Variants in WDCP observed in about 807,000 individuals in gnomAD.
WDCP encodes WD repeat and coiled-coil-containing protein.
In WDCP, 19 loss-of-function variants were observed where a neutral mutation model predicts 41.6. The ratio of observed to expected loss-of-function variants is 0.46; its 90% confidence interval spans 0.32 to 0.67. The LOEUF is 0.67. Ranked by LOEUF, WDCP falls within the 30% of genes least tolerant of loss-of-function variation. WDCP has a pLI of 0.04. For synonymous variants in WDCP, 302 were observed against 320.8 expected, an observed-to-expected ratio of 0.94 and a Z score of 0.63; for missense variants, 802 against 850.7, an observed-to-expected ratio of 0.94 and a Z score of 0.71.
Position 24,038,507 on chromosome 2 carries a change from T to C in WDCP, c.988A>G (p.Met330Val), listed in dbSNP as rs765584189. 9 of 1,614,246 alleles carry C rather than the reference T, an allele frequency of 5.6e-6. No homozygotes were observed. Among genetic ancestry groups the C allele is most frequent in the Middle Eastern group, 1.6e-4 (1 of 6,062 alleles). The change falls in exon 2 of 4, where the codon ATG becomes GTG. Residue 330 changes from methionine to valine, a missense_variant. Met to Val is a conservative substitution (Grantham distance 21). Transcript: ENST00000295148. ...VLVTFKKAVT[M>V]TRKVTIPGIL... ...CCTGGAATAGTGACTTTTCTCGTCA[T>C]GGTAACTGCCTTCTTAAAGGTCACA...
At chr2:24,035,102 G>C (rs953857044) in intron 2 of WDCP, among the ~76,000 whole-genome samples, 154 of 151,510 alleles carry the variant, frequency 1.0e-3, no homozygotes, top group African/African-American at 3.6e-3. Context: ...CTATATCTGT[G>C]ATTTTCTCTA....
At chr2:24,037,301 G>C (rs1191971656) in intron 2 of WDCP, among the ~76,000 whole-genome samples, 2 of 152,228 alleles carry the variant, frequency 1.3e-5, no homozygotes, top group Non-Finnish European at 2.9e-5. Flanking sequence ...AGGATTACAG[G>C]CGTGAGCCAT....
At chr2:24,039,874 T>G (rs1388635180) in intron 1 of WDCP, among the ~76,000 whole-genome samples, 1 of 152,160 alleles carries the variant, frequency 6.6e-6, no homozygotes, top group Non-Finnish European at 1.5e-5. Flanking sequence ...CTCGGCGCAC[T>G]TCAACCTCTG....
rs764536317 is a variant in WDCP, at chr2:24,038,203, A to G, written c.1292T>C (p.Ile431Thr). Residue 431 changes from isoleucine (I) to threonine (T), a missense_variant, in exon 2 of 4, where the codon ATA (isoleucine) becomes ACA (threonine). Around this residue, in one of 5 missense-constraint regions of WDCP, gnomAD observed 247 missense variants for 240.5 expected, o/e 1.03. Coordinates refer to ENST00000295148, the MANE Select transcript of WDCP (RefSeq NM_025203.3). ...QYAISLIVRE[I>T]MLEEEPSITS... Reference sequence around the variant, plus strand: ...TATTGAAGGTTCTTCTTCCAACATTATTTCTCTAACAATCAAGCTAATGGC... The same window carrying G: ...TATTGAAGGTTCTTCTTCCAACATTGTTTCTCTAACAATCAAGCTAATGGC... 1.2e-6 allele frequency: 2 copies of G among 1,614,216 alleles called. No individual in the cohort carries two copies. The highest frequency in any genetic ancestry group is 2.2e-5 in the East Asian group (1 of 44,892).
intron 2 of WDCP, among the ~76,000 whole-genome samples, chr2:24,036,790 A>C (rs1055964060): frequency 6.6e-6 from 1 of 152,232 alleles, no homozygotes; most frequent in Non-Finnish European, 1.5e-5. Flanking sequence ...CCATTCCCAC[A>C]TACCTATATA....
rs199990203 is a variant in WDCP, at chr2:24,032,805, G to C, written c.1936+24C>G. ...TGGGGGAGGCAAGGATGTTAGCTAG[G>C]GTCAATTTCTGAGCACGACCTACCA... On this transcript the variant is annotated intron_variant, in intron 3 of 3. Coordinates refer to ENST00000295148, the MANE Select transcript of WDCP (RefSeq NM_025203.3). 1.8e-3 allele frequency: 2,482 copies of C among 1,350,598 alleles called. 5 individuals are homozygous for C. The highest frequency in any genetic ancestry group is 2.7e-3 in the East Asian group (119 of 43,652). The allele number at this position is 1,350,598 out of a possible 1,614,324, so 83.7% of individuals were successfully genotyped here. A position where few individuals can be genotyped will look rare whatever the true frequency, so the allele number is the denominator to read the frequency against.
In WDCP at chr2:24,037,679, G is replaced by C. The variant is rs746259142; in HGVS notation, c.1816C>G (p.Gln606Glu). ...QDLPYVHIIY[Q>E]KPYYLGPVVE... ...TAGTTCCTCAAAGGAGAATTTACCTGGTAAATGATGTGAACATAAGGAAGA... is the reference window on the plus strand; with the variant it reads ...TAGTTCCTCAAAGGAGAATTTACCTCGTAAATGATGTGAACATAAGGAAGA... The change falls in exon 2 of 4, where the codon CAG becomes GAG. Residue 606 changes from glutamine (Q) to glutamate (E), a missense_variant and splice_region_variant. Physicochemically the swap from Gln to Glu is conservative, Grantham distance 29. Transcript: ENST00000295148. 6.2e-7 allele frequency: 1 copy of C among 1,606,210 alleles called. No individual in the cohort carries two copies. The highest frequency in any genetic ancestry group is 1.7e-5 in the Admixed American group (1 of 59,032).
At position 24,032,810 on chromosome 2, in the gene WDCP, A is replaced by T. The variant is rs1406994450; in HGVS notation, c.1936+19T>A. On this transcript the variant is annotated intron_variant, in intron 3 of 3. Coordinates refer to ENST00000295148, the MANE Select transcript of WDCP (RefSeq NM_025203.3). ...GAGGCAAGGATGTTAGCTAGGGTCA[A>T]TTTCTGAGCACGACCTACCATGTAG... 13 of 1,452,734 alleles carry T rather than the reference A, an allele frequency of 8.9e-6. No homozygotes were observed. Among genetic ancestry groups the T allele is most frequent in the Non-Finnish European group, 1.3e-5 (13 of 1,033,850 alleles). 90.0% of individuals were successfully genotyped at this position (1,452,734 alleles called of 1,614,324 possible).
At chr2:24,033,101 T>C (rs1663147059) in intron 2 of WDCP, 155 bp from the exon 3 acceptor site, 1 of 707,826 alleles carries the variant, frequency 1.4e-6, no homozygotes, top group South Asian at 1.5e-5. Context: ...TGCTGCATTA[T>C]TTAACACAAC....
Position 24,037,785 on chromosome 2 carries a change from T to A in WDCP, c.1710A>T (p.Glu570Asp). 6.2e-7 allele frequency: 1 copy of A among 1,614,254 alleles called. No individual in the cohort carries two copies. Among genetic ancestry groups the A allele is most frequent in the Non-Finnish European group, 8.5e-7 (1 of 1,180,046 alleles). The part of the protein sequence containing the change: ...EVEILSRNLV[E>D]MQRCLSELTN... ...TAAGTTCAGAAAGACACCGTTGCAT[T>A]TCAACCAGGTTCCTAGATAAAATTT... Residue 570 changes from glutamate to aspartate, a missense_variant, in exon 2 of 4, where the codon GAA (glutamate) becomes GAT (aspartate). Coordinates refer to ENST00000295148, the MANE Select transcript of WDCP (RefSeq NM_025203.3).
chr2:24,042,535 CAAAAAA>C (rs35044474), intron 1 of WDCP, among the ~76,000 whole-genome samples: 4 of 61,584 alleles, frequency 6.5e-5, no homozygotes, highest in African/African-American at 2.1e-4. Flanking sequence ...TACTCCGTCT[CAAAAAA>C]AAAAAAAAAA....
chr2:24,036,101 T>TA (rs1553317301), intron 2 of WDCP, among the ~76,000 whole-genome samples: 4 of 148,376 alleles, frequency 2.7e-5, no homozygotes, highest in East Asian at 3.9e-4. Flanking sequence ...AATAAATAAA[T>TA]AAATAAAATA....
At chr2:24,036,494 G>A (rs1304767708) in intron 2 of WDCP, among the ~76,000 whole-genome samples, 3 of 152,166 alleles carry the variant, frequency 2.0e-5, no homozygotes, top group African/African-American at 7.2e-5. Context: ...ATGATGCACT[G>A]TTAAGTAAAA....
At chr2:24,034,026 A>G (rs1467556480) in intron 2 of WDCP, among the ~76,000 whole-genome samples, 1 of 152,262 alleles carries the variant, frequency 6.6e-6, no homozygotes, top group African/African-American at 2.4e-5. Context: ...CGTCTTATGA[A>G]ATGTAATTTC....
At chr2:24,035,963 G>A (rs1478468295) in intron 2 of WDCP, among the ~76,000 whole-genome samples, 1 of 151,622 alleles carries the variant, frequency 6.6e-6, no homozygotes, top group East Asian at 1.9e-4. Flanking sequence ...CAGCTACTTG[G>A]GAGGCTGAGG....
At chr2:24,040,956 C>T (rs910163643) in intron 1 of WDCP, among the ~76,000 whole-genome samples, 1 of 152,052 alleles carries the variant, frequency 6.6e-6, no homozygotes, top group Non-Finnish European at 1.5e-5. Flanking sequence ...GCAGAGGCTA[C>T]AGTGAGCTGA....
At chr2:24,042,591 C>A (rs1001764178) in intron 1 of WDCP, among the ~76,000 whole-genome samples, 3 of 149,078 alleles carry the variant, frequency 2.0e-5, no homozygotes, top group Admixed American at 1.3e-4. Context: ...TGCCTGTAAT[C>A]CCAGCTACTC....
At chr2:24,033,110 A>C (rs1663147131) in intron 2 of WDCP, 164 bp from the exon 3 acceptor site, 1 of 705,010 alleles carries the variant, frequency 1.4e-6, no homozygotes, top group Non-Finnish European at 2.6e-6. Flanking sequence ...ATTTAACACA[A>C]CTAAAAAATC....
rs1426093940 is a variant in WDCP, at chr2:24,029,503, A to T, written c.*1430T>A. 1 of 152,176 alleles carries T rather than the reference A, an allele frequency of 6.6e-6. No homozygotes were observed. The highest frequency in any genetic ancestry group is 6.6e-5 in the Admixed American group (1 of 15,260). The allele number at this position is 152,176 out of a possible 1,614,324, so 9.4% of individuals were successfully genotyped here. On this transcript the variant is annotated 3_prime_UTR_variant, in exon 4 of 4. Coordinates refer to ENST00000295148, the MANE Select transcript of WDCP (RefSeq NM_025203.3). Reference sequence around the variant, plus strand: ...GATAATTGTGATTTCATCGCACCCCAGATACTTCCAAGTGGAGCCAGGCCT... The same window carrying T: ...GATAATTGTGATTTCATCGCACCCCTGATACTTCCAAGTGGAGCCAGGCCT...
Sources: gnomAD v4.1 joint callset for allele counts (sites outside exome capture counted in the v4.1 genomes callset) on GRCh38, gnomAD v4.1.1 for gene constraint, gnomAD v4.1.1 regional missense constraint, MANE v1.5 for transcripts, NCBI Gene and HGNC (gene_info 2026-07-23, HGNC 2026-07-21) for gene names.